ACVR1: variants seen among roughly 807,000 people sequenced by gnomAD.
ACVR1 encodes the protein activin A receptor type 1.
Under a neutral mutation model 57.1 loss-of-function variants are expected in ACVR1, and 38 were observed. The observed-to-expected ratio is 0.67, with a 90% CI of 0.51 to 0.87. ACVR1 has a LOEUF of 0.87. ACVR1 is among the 40% of genes least tolerant of loss of function. The pLI, the probability that ACVR1 is intolerant of heterozygous loss-of-function variation, is 0.00. For synonymous variants in ACVR1, 212 were observed against 228.1 expected (o/e 0.93, Z 0.63); for missense variants, 463 against 638.2 (o/e 0.73, Z 2.96).
At chr2:157,767,219 G>A (rs1685897823) in intron 7 of ACVR1, among the ~76,000 whole-genome samples, 1 of 151,958 alleles carries the variant, frequency 6.6e-6, no homozygotes, top group Admixed American at 6.6e-5. Flanking sequence ...TTTAAGTAGA[G>A]ATGAGGTTTC....
At chr2:157,849,939 G>C (rs547865156) in intron 1 of ACVR1, among the ~76,000 whole-genome samples, 1 of 152,310 alleles carries the variant, frequency 6.6e-6, no homozygotes, top group Non-Finnish European at 1.5e-5. Flanking sequence ...GTGGCTAGTA[G>C]CTACCTTACT....
At chr2:157,770,345 G>A (rs1686024759) in intron 7 of ACVR1, 23 bp downstream of exon 7, 1 of 1,613,308 alleles carries the variant, frequency 6.2e-7, no homozygotes, top group Non-Finnish European at 8.5e-7. Flanking sequence ...TACAATTAAT[G>A]AGGGGGTTAT....
chr2:157,775,910 G>C (rs1686265536), intron 5 of ACVR1, among the ~76,000 whole-genome samples: 1 of 152,132 alleles, frequency 6.6e-6, no homozygotes, highest in African/African-American at 2.4e-5. Context: ...TTTAGTTCAA[G>C]ACAGAGTTTC....
intron 1 of ACVR1, among the ~76,000 whole-genome samples, chr2:157,853,522 G>T (rs371566256): frequency 6.6e-6 from 1 of 152,160 alleles, no homozygotes; most frequent in Non-Finnish European, 1.5e-5. Flanking sequence ...CAATTGGGAA[G>T]GACAAAATTC....
intron 1 of ACVR1, among the ~76,000 whole-genome samples, chr2:157,818,941 A>G (rs367943710): frequency 0.019 from 2,912 of 150,068 alleles, 86 homozygotes; most frequent in African/African-American, 0.064. Flanking sequence ...AGCCGGGCGT[A>G]GTGGCGGGCG....
intron 1 of ACVR1, among the ~76,000 whole-genome samples, chr2:157,847,491 G>A (rs770998450): frequency 3.3e-5 from 5 of 152,222 alleles, no homozygotes; most frequent in African/African-American, 4.8e-5. Context: ...CATCAGAAAC[G>A]ATGTTTTTAA....
intron 3 of ACVR1, among the ~76,000 whole-genome samples, chr2:157,785,160 A>G (rs1686668058): frequency 6.6e-6 from 1 of 152,268 alleles, no homozygotes; most frequent in African/African-American, 2.4e-5. Context: ...CCTAGAGGGC[A>G]GCAAAAGGAA....
At chr2:157,748,821 C>T (rs1171330414) in intron 9 of ACVR1, among the ~76,000 whole-genome samples, 1 of 152,122 alleles carries the variant, frequency 6.6e-6, no homozygotes, top group African/African-American at 2.4e-5. Context: ...ACCCCAATTC[C>T]ACTACCTCAC....
chr2:157,804,609 TG>T, intron 2 of ACVR1, among the ~76,000 whole-genome samples: 1 of 152,218 alleles, frequency 6.6e-6, no homozygotes, highest in East Asian at 1.9e-4. Context: ...ATCTCCCTTC[TG>T]TTCTTGGATA....
At chr2:157,840,074 A>G (rs926652293) in intron 1 of ACVR1, among the ~76,000 whole-genome samples, 1 of 152,226 alleles carries the variant, frequency 6.6e-6, no homozygotes, top group African/African-American at 2.4e-5. Context: ...TACAGGAACT[A>G]CTAGAAAAGA....
intron 9 of ACVR1, among the ~76,000 whole-genome samples, chr2:157,748,853 G>C (rs560000035): frequency 1.3e-5 from 2 of 152,252 alleles, no homozygotes; most frequent in African/African-American, 4.8e-5. Context: ...ATCTCTGGCT[G>C]TGCTATTCAT....
At chr2:157,788,251 C>T (rs1011101181) in intron 3 of ACVR1, among the ~76,000 whole-genome samples, 4 of 152,278 alleles carry the variant, frequency 2.6e-5, no homozygotes, top group Non-Finnish European at 5.9e-5. Context: ...TTTCACTTTC[C>T]ACTATTTCGG....
chr2:157,831,349 A>G (rs932762961), intron 1 of ACVR1, among the ~76,000 whole-genome samples: 6 of 152,218 alleles, frequency 3.9e-5, no homozygotes, highest in African/African-American at 9.6e-5. Flanking sequence ...ACTTTTACAC[A>G]TGAAATTGCT....
intron 3 of ACVR1, among the ~76,000 whole-genome samples, chr2:157,786,758 G>C (rs558862277): frequency 6.6e-6 from 1 of 152,268 alleles, no homozygotes; most frequent in South Asian, 2.1e-4. Context: ...CTGGGCTATG[G>C]TGATTAGAAT....
intron 10 of ACVR1, 64 bp from the exon 11 acceptor site, chr2:157,737,729 G>A (rs1304228820): frequency 4.4e-6 from 7 of 1,600,322 alleles, no homozygotes; most frequent in Non-Finnish European, 8.6e-7. Flanking sequence ...TGGAAGCTGG[G>A]CTGATATCAT....
chr2:157,774,583 C>G (rs549013588), intron 5 of ACVR1, among the ~76,000 whole-genome samples: 35 of 152,136 alleles, frequency 2.3e-4, no homozygotes, highest in Non-Finnish European at 2.6e-4. Context: ...AGGCTGGTCT[C>G]AAACTCCTGA....
rs1685979691 is a variant in ACVR1 at position 157,769,020 on chromosome 2, G to A, written c.790+1348C>T. Among the ~76,000 whole-genome samples, 4 of 152,342 alleles carry A rather than the reference G, an allele frequency of 2.6e-5. No individual in the cohort carries two copies. In the South Asian group the frequency reaches 8.3e-4, roughly 32 times the overall value. ...CAGAGGTACAAAGTCGGGGAATGCA[G>A]AAAAGCACAATTAATTCCACTGGGC... On this transcript the variant is annotated intron_variant, in intron 7 of 10. Coordinates refer to ENST00000434821, the MANE Select transcript of ACVR1 (RefSeq NM_001111067.4).
chr2:157,816,101 A>G lies in ACVR1; in HGVS notation c.-8+2284T>C, dbSNP rs75937112. Among the ~76,000 whole-genome samples the G allele has an allele frequency of 1.1e-4, 17 of 152,382 alleles. No individual in the cohort carries two copies. In the East Asian group the frequency reaches 3.1e-3, roughly 28 times the overall value. On this transcript the variant is annotated intron_variant, in intron 2 of 10. Transcript: ENST00000434821. Reference sequence around the variant, plus strand: ...CAAGCCAAAAAGCAAGTTGTAAAATAGAATGTATGGTCATGTTCCACCAAT... The same window carrying G: ...CAAGCCAAAAAGCAAGTTGTAAAATGGAATGTATGGTCATGTTCCACCAAT...
chr2:157,821,554 A>T (rs1487436733), intron 1 of ACVR1, among the ~76,000 whole-genome samples: 3 of 152,130 alleles, frequency 2.0e-5, no homozygotes, highest in East Asian at 1.9e-4. Flanking sequence ...AAAATAAAAT[A>T]AAAAAATCAG....
Sources: gnomAD v4.1 joint callset for allele counts (sites outside exome capture counted in the v4.1 genomes callset) on GRCh38, gnomAD v4.1.1 for gene constraint, MANE v1.5 for transcripts, NCBI Gene and HGNC (gene_info 2026-07-23, HGNC 2026-07-21) for gene names.